Variants in HMGB1 observed in about 807,000 individuals in gnomAD.
HMGB1 encodes the protein high mobility group box 1.
For missense variants in HMGB1, 79 were observed against 253.5 expected (o/e 0.31, Z 4.67); for synonymous variants, 81 against 84.0 (o/e 0.96, Z 0.19).
chr13:30,483,651 G>C (rs1400541236), intron 1 of HMGB1, among the ~76,000 whole-genome samples: 1 of 113,326 alleles, frequency 8.8e-6, no homozygotes, highest in Non-Finnish European at 1.8e-5. Context: ...GTCTCCCTTT[G>C]TCACCAGGCT....
intron 1 of HMGB1, among the ~76,000 whole-genome samples, chr13:30,528,138 C>G (rs1376839586): frequency 2.6e-5 from 4 of 152,216 alleles, no homozygotes; most frequent in African/African-American, 9.6e-5. Flanking sequence ...CGCCAGTGAC[C>G]AGGCAACCCG....
rs1450741117 is a variant in HMGB1, at chr13:30,559,748, T to TACTAACAAGGG, written c.-15+56912_-15+56922dup. Among the ~76,000 whole-genome samples, 2 of 152,144 alleles carry TACTAACAAGGG rather than the reference T, an allele frequency of 1.3e-5. No individual in the cohort carries two copies. The highest frequency in any genetic ancestry group is 3.8e-4 in the East Asian group (2 of 5,196). On this transcript the variant is annotated intron_variant, in intron 1 of 4. Transcript: ENST00000405805. This position sits in a 1 kb window ranked among gnomAD's most constrained non-coding sequence, Gnocchi z 6.6. The stretch of plus-strand genomic sequence containing the variant: ...ATTTCAGCCCAAGTCTCTCCATAAC[T>TACTAACAAGGG]ACTAACAAGGGACTGAGGAGAAGAA...
intron 1 of HMGB1, among the ~76,000 whole-genome samples, chr13:30,507,889 A>C (rs1593281695): frequency 6.6e-6 from 1 of 152,160 alleles, no homozygotes; most frequent in Admixed American, 6.5e-5. Context: ...CCAGCTATTA[A>C]GGAAGGCTGA....
chr13:30,491,145 C>T (rs762438015), intron 1 of HMGB1, among the ~76,000 whole-genome samples: 4 of 152,118 alleles, frequency 2.6e-5, no homozygotes, highest in Non-Finnish European at 5.9e-5. Context: ...TCTCCTGCCT[C>T]AGCCTCCCGA....
chr13:30,492,935 G>A (rs925414996), intron 1 of HMGB1, among the ~76,000 whole-genome samples: 57 of 144,530 alleles, frequency 3.9e-4, no homozygotes, highest in African/African-American at 1.4e-3. Context: ...AGGTTGCAGT[G>A]AGCCGAGGTC....
At chr13:30,475,118 GTCTCTC>G (rs201116510) in intron 1 of HMGB1, among the ~76,000 whole-genome samples, 2 of 41,784 alleles carry the variant, frequency 4.8e-5, no homozygotes, top group African/African-American at 8.5e-5. Flanking sequence ...TTGGCTCACT[GTCTCTC>G]TCTCTCTCTC....
At chr13:30,515,472 A>G (rs1888082136) in intron 1 of HMGB1, among the ~76,000 whole-genome samples, 2 of 152,222 alleles carry the variant, frequency 1.3e-5, no homozygotes, top group Non-Finnish European at 2.9e-5. Context: ...ACTTCTCTTC[A>G]GTGCTTTCAC....
upstream of HMGB1, among the ~76,000 whole-genome samples, chr13:30,470,568 T>C (rs376739621): frequency 2.2e-4 from 33 of 152,248 alleles, no homozygotes; most frequent in African/African-American, 8.0e-4. Flanking sequence ...CAGTGAACTA[T>C]GGCAAGCCAA....
intron 1 of HMGB1, among the ~76,000 whole-genome samples, chr13:30,614,873 A>ATT (rs34422229): frequency 1.9e-3 from 220 of 116,130 alleles, no homozygotes; most frequent in African/African-American, 6.5e-3. Flanking sequence ...TAATTTTTGT[A>ATT]TTTTTTTTTT....
intron 1 of HMGB1, among the ~76,000 whole-genome samples, chr13:30,601,428 G>T (rs925655303): frequency 6.6e-6 from 1 of 152,300 alleles, no homozygotes; most frequent in Admixed American, 6.5e-5. Flanking sequence ...TACTAGTACG[G>T]AGTTTTAGTG....
intron 1 of HMGB1, among the ~76,000 whole-genome samples, chr13:30,475,625 G>A (rs1240713682): frequency 1.3e-5 from 2 of 151,996 alleles, no homozygotes; most frequent in Non-Finnish European, 2.9e-5. Flanking sequence ...GTTTGAGCCC[G>A]GGAGTTTGAG....
At chr13:30,566,313 C>T (rs568768800) in intron 1 of HMGB1, among the ~76,000 whole-genome samples, 1 of 152,146 alleles carries the variant, frequency 6.6e-6, no homozygotes, top group East Asian at 1.9e-4. Context: ...CAGCAGTGGT[C>T]GGCAAACTTT....
At chr13:30,593,714 C>T (rs1447091189) in intron 1 of HMGB1, among the ~76,000 whole-genome samples, 1 of 152,096 alleles carries the variant, frequency 6.6e-6, no homozygotes. Flanking sequence ...ACTGTTTCCA[C>T]ATTTTAGAAC....
chr13:30,458,850 C>T lies in HMGB1; in HGVS notation c.*2507G>A, dbSNP rs1447261574. 2.0e-5 allele frequency: 3 copies of T among 152,272 alleles called. No individual in the cohort carries two copies. The highest frequency in any genetic ancestry group is 4.4e-5 in the Non-Finnish European group (3 of 68,016). The allele number at this position is 152,272 out of a possible 1,614,324, so 9.4% of individuals were successfully genotyped here. A position where few individuals can be genotyped will look rare whatever the true frequency, so the allele number is the denominator to read the frequency against. ...TAATAAATACAGCAAACATTAACAA[C>T]ACTGTGATGGGACGATCATCAGAAC... On this transcript the variant is annotated 3_prime_UTR_variant, in exon 5 of 5. Transcript: ENST00000341423.
At chr13:30,495,679 C>T (rs112477976) in intron 1 of HMGB1, among the ~76,000 whole-genome samples, 128 of 152,194 alleles carry the variant, frequency 8.4e-4, no homozygotes, top group African/African-American at 2.2e-3. Flanking sequence ...GGGGTTTCAC[C>T]GTGTTAGCCA....
chr13:30,553,586 A>G, intron 1 of HMGB1: 1 of 559,930 alleles, frequency 1.8e-6, no homozygotes, highest in Non-Finnish European at 3.2e-6. Flanking sequence ...ATGATTGACT[A>G]TAATAAACCA....
chr13:30,463,453 C>G, intron 2 of HMGB1, 78 bp downstream of exon 2: 1 of 1,539,622 alleles, frequency 6.5e-7, no homozygotes, highest in Non-Finnish European at 8.9e-7. Flanking sequence ...TACGAGAATG[C>G]CAACTAGGCT....
chr13:30,565,845 A>G (rs1315481183), intron 1 of HMGB1, among the ~76,000 whole-genome samples: 4 of 152,236 alleles, frequency 2.6e-5, no homozygotes, highest in Admixed American at 6.5e-5. Flanking sequence ...TGTCTACCTC[A>G]CTTCCCTACT....
intron 1 of HMGB1, chr13:30,464,638 T>C: frequency 1.0e-6 from 1 of 983,112 alleles, no homozygotes; most frequent in Non-Finnish European, 1.2e-6. Flanking sequence ...CCGCTCGAAA[T>C]GGGGGCTGGC....
Sources: allele counts gnomAD v4.1 joint callset (sites outside exome capture counted in the v4.1 genomes callset), GRCh38; gene constraint gnomAD v4.1.1; non-coding constraint Gnocchi (gnomAD v3.1); transcripts MANE v1.5; gene names NCBI Gene and HGNC (gene_info 2026-07-23, HGNC 2026-07-21).